Variants in SEPTIN11 observed in about 807,000 individuals in gnomAD.
SEPTIN11 encodes the protein septin 11.
SEPTIN11 carries 25 observed loss-of-function variants against 51.4 expected under a neutral mutation model. The ratio of observed to expected loss-of-function variants is 0.49; its 90% CI spans 0.35 to 0.68. The LOEUF is 0.68. SEPTIN11 is among the 30% of genes least tolerant of loss of function. SEPTIN11 has a pLI of 0.00. For missense variants in SEPTIN11, 381 were observed against 520.8 expected (o/e 0.73, Z 2.61); for synonymous variants, 174 against 184.1 (o/e 0.95, Z 0.44).
chr4:76,994,641 T>C (rs918334883), intron 1 of SEPTIN11, among the ~76,000 whole-genome samples: 3 of 152,230 alleles, frequency 2.0e-5, no homozygotes, highest in African/African-American at 4.8e-5. Flanking sequence ...TGGTGGCTTT[T>C]AGTCTTATTT....
At chr4:76,981,864 C>T (rs1722786326) in intron 1 of SEPTIN11, among the ~76,000 whole-genome samples, 1 of 151,862 alleles carries the variant, frequency 6.6e-6, no homozygotes, top group African/African-American at 2.4e-5. Context: ...CTCATGATCC[C>T]TTGGTGTGCT....
At chr4:77,038,761 C>T (rs1243179099), downstream of SEPTIN11, 17 of 607,464 alleles carry the variant, frequency 2.8e-5, no homozygotes, top group Non-Finnish European at 3.6e-5. Flanking sequence ...GTCTGGGTTA[C>T]ACCAGTTTCT....
intron 1 of SEPTIN11, chr4:76,958,901 C>A (rs1159913063): frequency 6.8e-7 from 1 of 1,476,716 alleles, no homozygotes; most frequent in Non-Finnish European, 9.4e-7. Flanking sequence ...CTTATTGGCC[C>A]CAGAAAATTC....
intron 1 of SEPTIN11, among the ~76,000 whole-genome samples, chr4:76,983,087 C>T (rs529148985): frequency 6.6e-6 from 1 of 152,068 alleles, no homozygotes; most frequent in African/African-American, 2.4e-5. Flanking sequence ...GATCCCAGCC[C>T]CCTGGTGTAC....
chr4:76,958,757 G>T, intron 1 of SEPTIN11: 2 of 631,008 alleles, frequency 3.2e-6, no homozygotes, highest in Non-Finnish European at 5.4e-6. Flanking sequence ...CACCCAGATG[G>T]CAATTAGGTT....
intron 1 of SEPTIN11, among the ~76,000 whole-genome samples, chr4:76,983,185 G>T (rs1722851895): frequency 6.6e-6 from 1 of 152,170 alleles, no homozygotes; most frequent in African/African-American, 2.4e-5. Context: ...AGATTGACCT[G>T]GGTGGACCTT....
At position 77,015,017 on chromosome 4, in the gene SEPTIN11, T is replaced by TGTAA; in HGVS notation, c.687+3_687+6dup. 1 of 1,612,240 alleles carries TGTAA rather than the reference T, an allele frequency of 6.2e-7. No individual in the cohort carries two copies. The highest frequency in any genetic ancestry group is 8.5e-7 in the Non-Finnish European group (1 of 1,179,384). ...TGGCAGAGATTAACGCAACAATGAG[T>TGTAA]GTAAGTCCTCAAGTCAAATGGGAAC... is the stretch of plus-strand genomic sequence containing the variant. On this transcript the variant is annotated frameshift_variant and splice_region_variant. Coordinates refer to ENST00000264893, the MANE Select transcript of SEPTIN11 (RefSeq NM_018243.4). LOFTEE classifies it high-confidence loss of function.
chr4:76,958,755 TG>T (rs1368831229), intron 1 of SEPTIN11: 1 of 629,836 alleles, frequency 1.6e-6, no homozygotes, highest in Non-Finnish European at 2.7e-6. Context: ...GTCACCCAGA[TG>T]GCAATTAGGT....
In SEPTIN11 at chr4:77,014,126, G is replaced by A. The variant is rs928565977; in HGVS notation, c.526-730G>A. 2.6e-5 allele frequency among the ~76,000 whole-genome samples: 4 copies of A among 152,300 alleles called. No homozygotes were observed. In the South Asian group the frequency reaches 8.3e-4, roughly 32 times the overall value. ...GTTCTTTGTAACTGATGCTGTGAAA[G>A]TGAGCCTTGCCTTTGGCGCTCGATT... On this transcript the variant is annotated intron_variant, in intron 4 of 9. Coordinates refer to ENST00000264893, the MANE Select transcript of SEPTIN11 (RefSeq NM_018243.4).
rs1012818189 is a variant in SEPTIN11 at position 76,961,019 on chromosome 4, T to C, written c.27+11089T>C. Reference sequence around the variant, plus strand: ...TGTGTTACTTGTCCTGTGCTCCATGTTGTTGGAAAGCCTACAAAGTAGCTG... The same window carrying C: ...TGTGTTACTTGTCCTGTGCTCCATGCTGTTGGAAAGCCTACAAAGTAGCTG... On this transcript the variant is annotated intron_variant, in intron 1 of 9. Transcript: ENST00000264893. Among the ~76,000 whole-genome samples the C allele has an allele frequency of 3.3e-5, 5 of 152,300 alleles. No individual in the cohort carries two copies. In the South Asian group the frequency reaches 1.0e-3, roughly 32 times the overall value.
At chr4:76,993,345 A>G (rs963346621) in intron 1 of SEPTIN11, among the ~76,000 whole-genome samples, 1 of 152,124 alleles carries the variant, frequency 6.6e-6, no homozygotes, top group African/African-American at 2.4e-5. Flanking sequence ...ACTGGATGCC[A>G]AGCAGAGTTC....
At chr4:76,951,982 C>G (rs144771705) in intron 1 of SEPTIN11, among the ~76,000 whole-genome samples, 18 of 152,280 alleles carry the variant, frequency 1.2e-4, no homozygotes, top group African/African-American at 4.3e-4. Flanking sequence ...AAATTACAAT[C>G]TAAAGACAGA....
In SEPTIN11 at chr4:77,036,503, A is replaced by C. The variant is rs879038741; in HGVS notation, c.*1991A>C. 3 of 1,329,078 alleles carry C rather than the reference A, an allele frequency of 2.3e-6. No homozygotes were observed. Among genetic ancestry groups the C allele is most frequent in the Non-Finnish European group, 1.9e-6 (2 of 1,040,422 alleles). The allele number at this position is 1,329,078 out of a possible 1,614,324, so 82.3% of individuals were successfully genotyped here. A position where few individuals can be genotyped will look rare whatever the true frequency, so the allele number is the denominator to read the frequency against. ...TCTCTTGCATCACTAAAATTTTTTT[A>C]AAATGAGCATAACAACGAAAGGCAT... On this transcript the variant is annotated 3_prime_UTR_variant, in exon 10 of 10. Coordinates refer to ENST00000264893, the MANE Select transcript of SEPTIN11 (RefSeq NM_018243.4).
intron 1 of SEPTIN11, among the ~76,000 whole-genome samples, chr4:76,990,106 C>T (rs1723280195): frequency 6.6e-6 from 1 of 152,120 alleles, no homozygotes; most frequent in Non-Finnish European, 1.5e-5. Context: ...CCTTATTTGT[C>T]CCTGCCATGT....
chr4:77,030,770 T>C lies in SEPTIN11; in HGVS notation c.1087-13T>C, dbSNP rs751640810. 1 of 1,578,244 alleles carries C rather than the reference T, an allele frequency of 6.3e-7. No homozygotes were observed. The highest frequency in any genetic ancestry group is 2.1e-5 in the Admixed American group (1 of 47,342). On this transcript the variant is annotated splice_polypyrimidine_tract_variant and intron_variant, in intron 8 of 9. Transcript: ENST00000264893. ...CATTCCATTCACCAAGCCTGTTTTC[T>C]TTTTCTCTCCAGCTTCACGAGAAGT...
intron 2 of SEPTIN11, among the ~76,000 whole-genome samples, chr4:76,997,020 C>T (rs1192441202): frequency 7.1e-6 from 1 of 141,456 alleles, no homozygotes; most frequent in African/African-American, 2.5e-5. Flanking sequence ...GCTGGGATTA[C>T]AGTAGCCACC....
In SEPTIN11 at chr4:77,020,612, C is replaced by T. The variant is rs900108257; in HGVS notation, c.895C>T (p.Arg299Cys). ...THTRHYELYR[R>C]CKLEEMGFKD... is the part of the protein sequence containing the mutation. The stretch of plus-strand genomic sequence containing the variant: ...CACCCGCCACTATGAATTGTACCGA[C>T]GCTGTAAGCTTGAAGAGATGGGGTT... Residue 299 changes from arginine to cysteine, a missense_variant, in exon 7 of 10, where the codon CGC (arginine) becomes TGC (cysteine). Arg to Cys is a radical substitution (Grantham distance 180). Coordinates refer to ENST00000264893, the MANE Select transcript of SEPTIN11 (RefSeq NM_018243.4). The T allele has an allele frequency of 3.7e-6, 6 of 1,614,098 alleles. No individual in the cohort carries two copies. The highest frequency in any genetic ancestry group is 5.1e-6 in the Non-Finnish European group (6 of 1,180,016).
chr4:77,007,649 A>G (rs529937491), intron 3 of SEPTIN11, among the ~76,000 whole-genome samples: 34 of 152,342 alleles, frequency 2.2e-4, no homozygotes, highest in South Asian at 1.0e-3. Flanking sequence ...ATAGTTTCCA[A>G]GGAGATTTAG....
At chr4:77,009,526 T>A (rs988308612) in intron 3 of SEPTIN11, among the ~76,000 whole-genome samples, 3 of 152,068 alleles carry the variant, frequency 2.0e-5, no homozygotes, top group Admixed American at 2.0e-4. Context: ...TGGCCAGGAC[T>A]CTCTAATAAG....
Sources: gnomAD v4.1 joint callset for allele counts (sites outside exome capture counted in the v4.1 genomes callset) on GRCh38, gnomAD v4.1.1 for gene constraint, MANE v1.5 for transcripts, NCBI Gene and HGNC (gene_info 2026-07-23, HGNC 2026-07-21) for gene names.